ASH1L: variants seen among roughly 807,000 people sequenced by gnomAD.
ASH1L encodes the protein histone-lysine N-methyltransferase ASH1L.
In ASH1L, 23 loss-of-function variants were observed where a neutral mutation model predicts 269.0. That is an observed-to-expected ratio of 0.09 (90% confidence interval 0.06 to 0.12). ASH1L has a LOEUF of 0.12. ASH1L is among the 10% of genes least tolerant of loss of function. ASH1L has a pLI of 1.00. For synonymous variants in ASH1L, 1,187 were observed against 1,253.5 expected (o/e 0.95, Z 1.12); for missense variants, 2,912 against 3,567.8 (o/e 0.82, Z 4.68).
At chr1:155,544,333 C>A (rs1281546555) in intron 1 of ASH1L, among the ~76,000 whole-genome samples, 1 of 151,414 alleles carries the variant, frequency 6.6e-6, no homozygotes, top group Admixed American at 6.6e-5. Flanking sequence ...ATCACCCAGG[C>A]TGGAGTACAG....
At chr1:155,408,949 GA>G (rs10618305) in intron 6 of ASH1L, among the ~76,000 whole-genome samples, 1 of 149,016 alleles carries the variant, frequency 6.7e-6, no homozygotes, top group Non-Finnish European at 1.5e-5. Context: ...AGTTTACGGA[GA>G]AAAAAAAAGA....
chr1:155,532,649 T>C (rs1410017879), intron 1 of ASH1L, among the ~76,000 whole-genome samples: 1 of 151,330 alleles, frequency 6.6e-6, no homozygotes, highest in Non-Finnish European at 1.5e-5. Context: ...ATGGTGAAAC[T>C]CCATCTCTAC....
At chr1:155,367,454 T>C (rs979880104) in intron 12 of ASH1L, among the ~76,000 whole-genome samples, 2 of 152,244 alleles carry the variant, frequency 1.3e-5, no homozygotes, top group African/African-American at 4.8e-5. Context: ...CATCTGCGAA[T>C]AATGGTAGTT....
intron 5 of ASH1L, among the ~76,000 whole-genome samples, chr1:155,431,585 A>AC (rs113486906): frequency 0.01 from 1,535 of 151,654 alleles, 38 homozygotes; most frequent in African/African-American, 0.036. Context: ...ACATAGTGAG[A>AC]CCCCATCTCT....
chr1:155,546,353 G>A (rs1670827327), intron 1 of ASH1L, among the ~76,000 whole-genome samples: 1 of 151,676 alleles, frequency 6.6e-6, no homozygotes, highest in Admixed American at 6.6e-5. Flanking sequence ...AGAAATTATT[G>A]CATTACCATA....
At chr1:155,341,575 T>C (rs1347067358) in intron 25 of ASH1L, among the ~76,000 whole-genome samples, 1 of 152,150 alleles carries the variant, frequency 6.6e-6, no homozygotes, top group Non-Finnish European at 1.5e-5. Flanking sequence ...TTTACGGGTG[T>C]GTTCTCAATG....
chr1:155,536,892 A>C (rs1185582640), intron 1 of ASH1L, among the ~76,000 whole-genome samples: 1 of 151,956 alleles, frequency 6.6e-6, no homozygotes, highest in Admixed American at 6.6e-5. Flanking sequence ...AATACAAAAA[A>C]AAATTAGCCG....
At position 155,391,377 on chromosome 1, in the gene ASH1L, T is replaced by A. The variant is rs560487489; in HGVS notation, c.6103+4082A>T. On this transcript the variant is annotated intron_variant, in intron 7 of 27. Transcript: ENST00000392403. ...TTCTGGGACTTTCATTTGCTATTGTTCATTTTAAAATTTTTATGTTTCCAT... is the reference window on the plus strand; with the variant it reads ...TTCTGGGACTTTCATTTGCTATTGTACATTTTAAAATTTTTATGTTTCCAT... Among the ~76,000 whole-genome samples the A allele has an allele frequency of 3.9e-5, 6 of 152,334 alleles. No individual in the cohort carries two copies. The South Asian group carries it at 1.2e-3, about 32-fold the overall frequency.
chr1:155,548,748 C>T (rs1670999328), intron 1 of ASH1L, among the ~76,000 whole-genome samples: 1 of 152,194 alleles, frequency 6.6e-6, no homozygotes, highest in Admixed American at 6.6e-5. Flanking sequence ...TCTCTATCTA[C>T]ACTCACTCTC....
rs58792464 is a variant in ASH1L, at chr1:155,344,892, G to C, written c.7891-619C>G. The stretch of plus-strand genomic sequence containing the variant: ...CACTGTCTAACATAAATGACGTTAA[G>C]GGTACCAAGTTCTGGATTTTGTAAG... On this transcript the variant is annotated intron_variant, in intron 21 of 27. Transcript: ENST00000392403. Among the ~76,000 whole-genome samples the C allele has an allele frequency of 6.2e-3, 943 of 152,198 alleles. 12 individuals are homozygous for C. The highest frequency in any genetic ancestry group is 0.022 in the African/African-American group (916 of 41,532).
upstream of ASH1L, chr1:155,563,092 C>T (rs1455446746): frequency 2.2e-6 from 1 of 458,026 alleles, no homozygotes; most frequent in South Asian, 1.5e-5. Context: ...CTCCTCGCCG[C>T]AGCGCTGCGG....
intron 21 of ASH1L, chr1:155,345,948 C>G: frequency 2.9e-6 from 1 of 343,238 alleles, no homozygotes; most frequent in Non-Finnish European, 5.6e-6. Context: ...TCTCTTGCCT[C>G]AGCCACCCAA....
intron 3 of ASH1L, among the ~76,000 whole-genome samples, chr1:155,475,182 ACT>A (rs1385356873): frequency 6.6e-6 from 1 of 151,192 alleles, no homozygotes; most frequent in Admixed American, 6.6e-5. Context: ...ATACAGTCTC[ACT>A]CTGTTGCACT....
chr1:155,475,425 C>T (rs986232242), intron 3 of ASH1L, among the ~76,000 whole-genome samples: 1 of 152,026 alleles, frequency 6.6e-6, no homozygotes, highest in Non-Finnish European at 1.5e-5. Context: ...CGTGAGCCAC[C>T]GCGCCTGGAC....
intron 1 of ASH1L, among the ~76,000 whole-genome samples, chr1:155,526,965 G>C (rs1669303736): frequency 6.6e-6 from 1 of 152,220 alleles, no homozygotes; most frequent in African/African-American, 2.4e-5. Context: ...CAGCAGTTGG[G>C]AGGCCAAGGC....
At chr1:155,455,809 A>G (rs929703046) in intron 4 of ASH1L, among the ~76,000 whole-genome samples, 4 of 152,234 alleles carry the variant, frequency 2.6e-5, no homozygotes, top group African/African-American at 9.6e-5. Flanking sequence ...TCTGACAAAC[A>G]ATATAAATCT....
intron 4 of ASH1L, among the ~76,000 whole-genome samples, chr1:155,448,514 G>C (rs766935569): frequency 6.6e-6 from 1 of 152,022 alleles, no homozygotes; most frequent in Non-Finnish European, 1.5e-5. Context: ...CTTCTTTTTT[G>C]AGACGGAGAC....
intron 6 of ASH1L, among the ~76,000 whole-genome samples, chr1:155,402,143 CTCAA>C (rs982656615): frequency 9.3e-5 from 14 of 150,788 alleles, no homozygotes; most frequent in African/African-American, 3.5e-4. Flanking sequence ...CAGACTCCGT[CTCAA>C]ACAAACAAAC....
At chr1:155,463,122 A>T (rs1664426430) in intron 3 of ASH1L, among the ~76,000 whole-genome samples, 1 of 152,322 alleles carries the variant, frequency 6.6e-6, no homozygotes, top group South Asian at 2.1e-4. Flanking sequence ...ATAAACGCCA[A>T]TTTGCAGTTG....
Sources: allele counts gnomAD v4.1 joint callset (sites outside exome capture counted in the v4.1 genomes callset), GRCh38; gene constraint gnomAD v4.1.1; transcripts MANE v1.5; gene names NCBI Gene and HGNC (gene_info 2026-07-23, HGNC 2026-07-21).